The following PRKCE variants were observed in gnomAD, a reference collection of about 807,000 sequenced individuals.
The protein encoded by PRKCE is protein kinase C epsilon type.
In PRKCE, 16 loss-of-function variants were observed where a neutral mutation model predicts 85.4. The observed-to-expected ratio is 0.19, with a 90% CI of 0.13 to 0.28. The LOEUF (loss-of-function observed/expected upper bound fraction) is 0.28, where lower values mean the gene tolerates loss of function less well. Among genes scored for constraint, PRKCE ranks in the 10% least tolerant of loss-of-function variants. PRKCE has a pLI of 1.00. For synonymous variants in PRKCE, 388 were observed against 371.5 expected, an observed-to-expected ratio of 1.04 and a Z score of -0.51; for missense variants, 573 against 975.2, an observed-to-expected ratio of 0.59 and a Z score of 5.49.
chr2:45,876,252 T>C (rs1166600560), intron 2 of PRKCE, among the ~76,000 whole-genome samples: 2 of 152,212 alleles, frequency 1.3e-5, no homozygotes, highest in Admixed American at 6.5e-5. Flanking sequence ...TCCTTCAGCA[T>C]TTCCCCATCT....
chr2:46,031,716 T>C (rs1574286510), intron 10 of PRKCE, among the ~76,000 whole-genome samples: 1 of 151,838 alleles, frequency 6.6e-6, no homozygotes. Flanking sequence ...AAAGCCAGTG[T>C]GATTACACCC....
intron 2 of PRKCE, among the ~76,000 whole-genome samples, chr2:45,906,942 G>A (rs971101032): frequency 1.3e-5 from 2 of 152,202 alleles, no homozygotes; most frequent in Non-Finnish European, 2.9e-5. Flanking sequence ...CTTCTTTAAG[G>A]AGCTGCATTG....
At chr2:45,956,508 C>T (rs546817379) in intron 2 of PRKCE, among the ~76,000 whole-genome samples, 108 of 151,464 alleles carry the variant, frequency 7.1e-4, no homozygotes, top group African/African-American at 2.4e-3. Flanking sequence ...TGGTGAAACC[C>T]TGTCTCTACT....
intron 1 of PRKCE, among the ~76,000 whole-genome samples, chr2:45,811,358 G>T (rs1350312605): frequency 6.6e-6 from 1 of 152,206 alleles, no homozygotes; most frequent in African/African-American, 2.4e-5. Flanking sequence ...CCAAGATACA[G>T]CGTTCAGTGA....
intron 1 of PRKCE, among the ~76,000 whole-genome samples, chr2:45,655,871 A>AG (rs1675356611): frequency 7.7e-6 from 1 of 130,096 alleles, no homozygotes; most frequent in African/African-American, 3.0e-5. Flanking sequence ...AAAAAAAAAA[A>AG]GGTAGGGAGA....
At chr2:46,061,848 CTTTTCTTTTTCTT>C (rs1667157772) in intron 10 of PRKCE, among the ~76,000 whole-genome samples, 1 of 113,616 alleles carries the variant, frequency 8.8e-6, no homozygotes, top group South Asian at 2.7e-4. Flanking sequence ...CTTTTCTTTT[CTTTTCTTTTTCTT>C]TTTTTTTTTT....
chr2:46,129,981 A>G (rs1232297290), intron 11 of PRKCE, among the ~76,000 whole-genome samples: 1 of 152,252 alleles, frequency 6.6e-6, no homozygotes, highest in African/African-American at 2.4e-5. Context: ...GCTGTTTGAC[A>G]GTCATCAACA....
rs1224019330 is a variant in PRKCE, at chr2:45,984,304, T to C, written c.694-247T>C. Among the ~76,000 whole-genome samples the C allele has an allele frequency of 2.0e-5, 3 of 152,074 alleles. No homozygotes were observed. The East Asian group carries it at 5.8e-4, about 29-fold the overall frequency. ...TCCTGAAGTCCTGGAGAGGACCATG[T>C]TGGGGAGTAGGCCTGGCCTTGCACA... On this transcript the variant is annotated intron_variant, in intron 5 of 14. Coordinates refer to ENST00000306156, the MANE Select transcript of PRKCE (RefSeq NM_005400.3).
chr2:46,130,303 C>T, intron 11 of PRKCE, among the ~76,000 whole-genome samples: 2 of 151,842 alleles, frequency 1.3e-5, no homozygotes, highest in Admixed American at 1.3e-4. Flanking sequence ...TATAAATATG[C>T]ATACATGAAT....
At chr2:45,880,382 A>C (rs1694791643) in intron 2 of PRKCE, among the ~76,000 whole-genome samples, 1 of 152,166 alleles carries the variant, frequency 6.6e-6, no homozygotes, top group South Asian at 2.1e-4. Flanking sequence ...CCTTTGGATA[A>C]ATGCCCATTA....
chr2:45,934,471 A>G (rs940553297), intron 2 of PRKCE, among the ~76,000 whole-genome samples: 6 of 152,124 alleles, frequency 3.9e-5, no homozygotes, highest in African/African-American at 1.4e-4. Flanking sequence ...CAACATAGTA[A>G]AACCCCATCT....
chr2:46,074,429 C>CAAAAAAAAAAAAAAAAAA (rs11287357), intron 10 of PRKCE, among the ~76,000 whole-genome samples: 10 of 93,866 alleles, frequency 1.1e-4, no homozygotes, highest in East Asian at 2.8e-4. Flanking sequence ...CAACAACAAC[C>CAAAAAAAAAAAAAAAAAA]AAAAAAAAAA....
chr2:46,154,031 C>T (rs868593733), intron 13 of PRKCE, among the ~76,000 whole-genome samples: 119 of 152,220 alleles, frequency 7.8e-4, no homozygotes, highest in African/African-American at 2.7e-3. Flanking sequence ...GTGATCCGCC[C>T]GCCTCAGCCT....
intron 2 of PRKCE, among the ~76,000 whole-genome samples, chr2:45,869,661 G>A (rs1278799296): frequency 1.3e-5 from 2 of 150,428 alleles, no homozygotes; most frequent in African/African-American, 2.5e-5. Flanking sequence ...TGGCCCCAAG[G>A]TCTGTTACAT....
intron 1 of PRKCE, among the ~76,000 whole-genome samples, chr2:45,725,178 C>T (rs537606890): frequency 6.6e-6 from 1 of 152,232 alleles, no homozygotes; most frequent in Non-Finnish European, 1.5e-5. Flanking sequence ...TTCTATTCTG[C>T]TCGTGCTCTG....
chr2:46,102,341 T>G (rs1434450532), intron 11 of PRKCE, among the ~76,000 whole-genome samples: 1 of 152,210 alleles, frequency 6.6e-6, no homozygotes, highest in East Asian at 1.9e-4. Flanking sequence ...GAGGATAATG[T>G]CAAAGTTCAA....
At chr2:45,738,916 G>A (rs901821435) in intron 1 of PRKCE, among the ~76,000 whole-genome samples, 1 of 152,200 alleles carries the variant, frequency 6.6e-6, no homozygotes, top group African/African-American at 2.4e-5. Context: ...CAAAGTAATA[G>A]GTAGTTCATG....
intron 2 of PRKCE, among the ~76,000 whole-genome samples, chr2:45,881,462 A>T (rs146427486): frequency 6.6e-6 from 1 of 152,326 alleles, no homozygotes; most frequent in African/African-American, 2.4e-5. Flanking sequence ...TTATTTAAGT[A>T]CCCAAGTCAG....
intron 1 of PRKCE, among the ~76,000 whole-genome samples, chr2:45,703,518 A>T (rs548446645): frequency 6.6e-6 from 1 of 151,600 alleles, no homozygotes; most frequent in Non-Finnish European, 1.5e-5. Context: ...AGCCTGGGTG[A>T]CAGAGTGAGA....
Sources: allele counts gnomAD v4.1 joint callset (sites outside exome capture counted in the v4.1 genomes callset), GRCh38; gene constraint gnomAD v4.1.1; transcripts MANE v1.5; gene names NCBI Gene and HGNC (gene_info 2026-07-23, HGNC 2026-07-21).